PTPRN2: variants seen among roughly 807,000 people sequenced by gnomAD.
The protein encoded by PTPRN2 is receptor-type tyrosine-protein phosphatase N2.
In PTPRN2, 74 loss-of-function variants were observed where a neutral mutation model predicts 118.8. The observed-to-expected ratio is 0.62, with a 90% CI of 0.52 to 0.76. The LOEUF is 0.76. Ranked by LOEUF, PTPRN2 falls within the 30% of genes least tolerant of loss-of-function variation. PTPRN2 has a pLI of 0.00. For synonymous variants in PTPRN2, 641 were observed against 608.0 expected (o/e 1.05, Z -0.80); for missense variants, 1,481 against 1,394.4 (o/e 1.06, Z -0.99).
chr7:158,011,843 AG>A (rs1806069724), intron 11 of PTPRN2, among the ~76,000 whole-genome samples: 1 of 152,226 alleles, frequency 6.6e-6, no homozygotes, highest in Non-Finnish European at 1.5e-5. Flanking sequence ...AATCTTACTC[AG>A]AAAAAATCCA....
rs149311254 is a variant in PTPRN2 at position 158,308,367 on chromosome 7, A to C, written c.277+8452T>G. On this transcript the variant is annotated intron_variant, in intron 3 of 22. Transcript: ENST00000389418. Reference sequence around the variant, plus strand: ...TCTAAATGGAGTACTTTAGGCAAAAATGAAAGGACATTAGACAGTGAGTTG... The same window carrying C: ...TCTAAATGGAGTACTTTAGGCAAAACTGAAAGGACATTAGACAGTGAGTTG... Among the ~76,000 whole-genome samples the C allele has an allele frequency of 5.2e-3, 799 of 152,352 alleles. 5 individuals are homozygous for C. The highest frequency in any genetic ancestry group is 0.018 in the African/African-American group (765 of 41,592).
intron 9 of PTPRN2, among the ~76,000 whole-genome samples, chr7:158,116,322 T>C (rs959378047): frequency 2.6e-5 from 4 of 152,166 alleles, no homozygotes; most frequent in African/African-American, 7.2e-5. Flanking sequence ...CAGGAATCTG[T>C]CTCCCACCTG....
In PTPRN2 at chr7:158,138,260, C is replaced by T. The variant is rs111313212; in HGVS notation, c.1132+34G>A. 2,608 of 1,601,430 alleles carry T rather than the reference C, an allele frequency of 1.6e-3. 41 individuals are homozygous for T. The African/African-American group carries it at 0.031, about 19-fold the overall frequency. The stretch of plus-strand genomic sequence containing the variant: ...CTGAGGCCTCCCCTCCCCGCAGCAC[C>T]CCTGGGTGTGGGCACCCATGGCGCT... On this transcript the variant is annotated intron_variant, in intron 7 of 22. Coordinates refer to ENST00000389418, the MANE Select transcript of PTPRN2 (RefSeq NM_002847.5).
intron 12 of PTPRN2, among the ~76,000 whole-genome samples, chr7:157,702,033 A>T (rs1191261400): frequency 1.5e-5 from 2 of 130,868 alleles, no homozygotes; most frequent in African/African-American, 2.9e-5. Flanking sequence ...GTGCATTTAT[A>T]AGAAAGCCCG....
rs188005801 is a variant in PTPRN2 at position 158,512,924 on chromosome 7, T to C, written c.113-23139A>G. Among the ~76,000 whole-genome samples the C allele has an allele frequency of 1.2e-3, 177 of 152,308 alleles. 2 individuals carry two copies. The East Asian group carries it at 0.029, about 25-fold the overall frequency. Reference sequence around the variant, plus strand: ...TTATGTTATAGCCCAAAATATAACATAAAGTGTTGAATAAATAAATGGGAA... The same window carrying C: ...TTATGTTATAGCCCAAAATATAACACAAAGTGTTGAATAAATAAATGGGAA... On this transcript the variant is annotated intron_variant, in intron 1 of 22. Coordinates refer to ENST00000389418, the MANE Select transcript of PTPRN2 (RefSeq NM_002847.5).
At chr7:157,555,544 G>A (rs1034096844) in intron 21 of PTPRN2, among the ~76,000 whole-genome samples, 1 of 152,210 alleles carries the variant, frequency 6.6e-6, no homozygotes, top group African/African-American at 2.4e-5. Flanking sequence ...GGGGTGTGCC[G>A]GGAGGGCCAT....
chr7:158,053,945 A>G (rs187729767), intron 11 of PTPRN2, among the ~76,000 whole-genome samples: 24 of 151,234 alleles, frequency 1.6e-4, no homozygotes, highest in Non-Finnish European at 2.8e-4. Flanking sequence ...GAGACTCCAG[A>G]GATGCAGAGA....
intron 9 of PTPRN2, among the ~76,000 whole-genome samples, chr7:158,112,946 A>C (rs951276378): frequency 6.8e-4 from 104 of 151,874 alleles, no homozygotes; most frequent in Middle Eastern, 3.4e-3. Flanking sequence ...TGGCCTCAGG[A>C]GGGTGACTGA....
intron 2 of PTPRN2, among the ~76,000 whole-genome samples, chr7:158,326,756 G>C (rs1402303507): frequency 7.5e-6 from 1 of 133,704 alleles, no homozygotes; most frequent in African/African-American, 2.8e-5. Flanking sequence ...ATTCTCACAT[G>C]CACGTTTCAC....
rs367588778 is a variant in PTPRN2, at chr7:157,968,551, G to T, written c.1724-69814C>A. 7.2e-5 allele frequency among the ~76,000 whole-genome samples: 11 copies of T among 152,176 alleles called. No individual in the cohort carries two copies. In the East Asian group the frequency reaches 1.9e-3, roughly 27 times the overall value. On this transcript the variant is annotated intron_variant, in intron 11 of 22. Transcript: ENST00000389418. ...CTGTTTTTCCAGGGGATCTAACAAG[G>T]CTCGAACGCTGGAGCCGCATGTCTG...
chr7:157,954,638 G>A (rs1449134044), intron 11 of PTPRN2, among the ~76,000 whole-genome samples: 1 of 152,090 alleles, frequency 6.6e-6, no homozygotes, highest in Admixed American at 6.5e-5. Context: ...TGAGAGGAGT[G>A]GTCTCAGCCG....
At chr7:158,123,262 C>T (rs919834294) in intron 9 of PTPRN2, among the ~76,000 whole-genome samples, 14 of 152,320 alleles carry the variant, frequency 9.2e-5, no homozygotes, top group Admixed American at 4.6e-4. Context: ...TTCCAGCCCA[C>T]GGGAACCTCC....
At chr7:158,066,309 C>A (rs77570013) in intron 11 of PTPRN2, among the ~76,000 whole-genome samples, 1 of 152,188 alleles carries the variant, frequency 6.6e-6, no homozygotes, top group Admixed American at 6.5e-5. Flanking sequence ...AAACAGCCAC[C>A]CTTCTGGCTC....
At chr7:157,955,021 G>A (rs1399938607) in intron 11 of PTPRN2, among the ~76,000 whole-genome samples, 1 of 152,194 alleles carries the variant, frequency 6.6e-6, no homozygotes, top group African/African-American at 2.4e-5. Context: ...GTGTGGGAGT[G>A]AAGCGGGTGG....
chr7:157,733,092 T>C (rs544028257), intron 12 of PTPRN2, among the ~76,000 whole-genome samples: 49 of 23,304 alleles, frequency 2.1e-3, no homozygotes, highest in South Asian at 6.8e-3. Context: ...TTCCGTCCCA[T>C]GCGCCCAGCA....
rs1397565067 is a variant in PTPRN2, at chr7:157,560,104, C to T, written c.2902+8798G>A. On this transcript the variant is annotated intron_variant, in intron 21 of 22. Transcript: ENST00000389418. The surrounding 1 kb of genome is among the most constrained non-coding windows in gnomAD (Gnocchi z 6.7). ...GCGGCATCCAATGGGCCTGAGGTGT[C>T]TGCGTGACCATGAGGAGAAGCGGAG... Among the ~76,000 whole-genome samples, 1 of 152,162 alleles carries T rather than the reference C, an allele frequency of 6.6e-6. No homozygotes were observed. The highest frequency in any genetic ancestry group is 1.5e-5 in the Non-Finnish European group (1 of 68,028).
chr7:157,541,860 C>T (rs57178648), intron 22 of PTPRN2, among the ~76,000 whole-genome samples: 2,589 of 152,344 alleles, frequency 0.017, 73 homozygotes, highest in African/African-American at 0.059. Context: ...GATGCTCATT[C>T]TGAGACAAAA....
chr7:158,420,153 G>A (rs1324408355), intron 2 of PTPRN2, among the ~76,000 whole-genome samples: 5 of 152,052 alleles, frequency 3.3e-5, no homozygotes, highest in Non-Finnish European at 5.9e-5. Flanking sequence ...AATTCCTCCC[G>A]TTTTCCTTCC....
intron 2 of PTPRN2, among the ~76,000 whole-genome samples, chr7:158,407,268 T>C (rs1452259605): frequency 1.1e-3 from 47 of 43,178 alleles, no homozygotes; most frequent in East Asian, 3.7e-3. Flanking sequence ...TCCTGGGTCC[T>C]GGGTCCTGGG....
Sources: gnomAD v4.1 joint callset for allele counts (sites outside exome capture counted in the v4.1 genomes callset) on GRCh38, gnomAD v4.1.1 for gene constraint, Gnocchi (gnomAD v3.1) non-coding constraint, MANE v1.5 for transcripts, NCBI Gene and HGNC (gene_info 2026-07-23, HGNC 2026-07-21) for gene names.